The following DCLK1 variants were observed in gnomAD, a reference collection of about 807,000 sequenced individuals.
DCLK1 encodes the protein doublecortin like kinase 1, also known as serine/threonine-protein kinase DCLK1.
Under a neutral mutation model 86.2 loss-of-function variants are expected in DCLK1, and 16 were observed. The observed-to-expected ratio is 0.19, with a 90% CI of 0.13 to 0.28. The LOEUF (loss-of-function observed/expected upper bound fraction) is 0.28, where lower values mean the gene tolerates loss of function less well. DCLK1 is among the 10% of genes least tolerant of loss of function. The pLI is 1.00. For synonymous variants in DCLK1, 369 were observed against 370.5 expected (o/e 1.00, Z 0.05); for missense variants, 590 against 940.2 (o/e 0.63, Z 4.87).
At chr13:35,784,912 T>C (rs1049959261) in intron 16 of DCLK1, among the ~76,000 whole-genome samples, 1 of 152,134 alleles carries the variant, frequency 6.6e-6, no homozygotes, top group Non-Finnish European at 1.5e-5. Flanking sequence ...GGGGAACAGT[T>C]TTCTCAAACC....
intron 3 of DCLK1, among the ~76,000 whole-genome samples, chr13:35,998,757 C>T (rs1049882069): frequency 6.6e-6 from 1 of 152,016 alleles, no homozygotes; most frequent in Non-Finnish European, 1.5e-5. Context: ...AGAGCTACAC[C>T]CTAAAATATT....
chr13:35,887,749 A>C (rs1204242473), intron 4 of DCLK1, among the ~76,000 whole-genome samples: 1 of 151,992 alleles, frequency 6.6e-6, no homozygotes, highest in Non-Finnish European at 1.5e-5. Context: ...AGTTATACCA[A>C]TAAAAATAGA....
intron 4 of DCLK1, among the ~76,000 whole-genome samples, chr13:35,885,266 T>C (rs773684835): frequency 5.3e-5 from 8 of 151,742 alleles, no homozygotes; most frequent in East Asian, 3.9e-4. Context: ...ATTTCTCCAA[T>C]CAAAATCATC....
Position 35,875,097 on chromosome 13 carries a change from C to T in DCLK1, c.824-3757G>A, listed in dbSNP as rs77137378. Among the ~76,000 whole-genome samples, 43 of 152,262 alleles carry T rather than the reference C, an allele frequency of 2.8e-4. No homozygotes were observed. The East Asian group carries it at 7.9e-3, about 28-fold the overall frequency. ...TTTTCACCAGTGAGGCCTCTTTTTG[C>T]TAATTTTTATTTCATGGACCTCATG... On this transcript the variant is annotated intron_variant, in intron 4 of 16. Coordinates refer to ENST00000360631, the MANE Select transcript of DCLK1 (RefSeq NM_001330071.2).
intron 4 of DCLK1, among the ~76,000 whole-genome samples, chr13:35,905,594 G>C (rs769879550): frequency 6.6e-6 from 1 of 152,182 alleles, no homozygotes; most frequent in African/African-American, 2.4e-5. Flanking sequence ...AATCAACCCC[G>C]AGGGCCACCT....
intron 4 of DCLK1, among the ~76,000 whole-genome samples, chr13:35,878,960 A>G (rs567968538): frequency 6.6e-6 from 1 of 151,980 alleles, no homozygotes; most frequent in Non-Finnish European, 1.5e-5. Context: ...TGATTTTTGT[A>G]TTATTAGTAG....
At chr13:36,015,001 TC>T (rs1881481222) in intron 3 of DCLK1, among the ~76,000 whole-genome samples, 18 of 23,266 alleles carry the variant, frequency 7.7e-4, no homozygotes, top group South Asian at 4.2e-3. Context: ...TCTCTCTCTC[TC>T]TTTCTCTCTC....
intron 2 of DCLK1, among the ~76,000 whole-genome samples, chr13:36,125,259 T>A (rs537891252): frequency 3.2e-3 from 481 of 152,246 alleles, no homozygotes; most frequent in Non-Finnish European, 5.7e-3. Context: ...GTCATCACTA[T>A]CTTACCACGT....
chr13:35,854,425 A>C, intron 6 of DCLK1, 74 bp downstream of exon 6: 1 of 1,241,510 alleles, frequency 8.1e-7, no homozygotes, highest in Admixed American at 2.6e-5. Context: ...GAGCAGCACG[A>C]TTTGCTGGCA....
chr13:36,071,103 C>T (rs73180280), intron 3 of DCLK1, among the ~76,000 whole-genome samples: 23,359 of 151,936 alleles, frequency 0.15, 2,169 homozygotes, highest in Non-Finnish European at 0.21. Flanking sequence ...TTCTATTCTT[C>T]TGCTTGTAGC....
At chr13:35,843,193 C>A (rs1869938326) in intron 6 of DCLK1, among the ~76,000 whole-genome samples, 1 of 152,172 alleles carries the variant, frequency 6.6e-6, no homozygotes, top group African/African-American at 2.4e-5. Context: ...ATGTTTGCTT[C>A]AATTCGCTAA....
intron 4 of DCLK1, among the ~76,000 whole-genome samples, chr13:35,882,163 A>T (rs145226320): frequency 1.0e-3 from 152 of 152,234 alleles, no homozygotes; most frequent in African/African-American, 3.5e-3. Flanking sequence ...TGTCGCTTAT[A>T]GTTTCTGGTG....
chr13:36,002,509 C>T (rs1051459444), intron 3 of DCLK1, among the ~76,000 whole-genome samples: 2 of 152,122 alleles, frequency 1.3e-5, no homozygotes, highest in Non-Finnish European at 2.9e-5. Context: ...TATTGAAATG[C>T]TAATGCTACA....
At chr13:36,020,962 A>T (rs1881752220) in intron 3 of DCLK1, among the ~76,000 whole-genome samples, 2 of 152,184 alleles carry the variant, frequency 1.3e-5, no homozygotes, top group Admixed American at 6.5e-5. Context: ...AGGCAAATAT[A>T]TAAGTATGTA....
intron 6 of DCLK1, chr13:35,848,267 C>T (rs1870358706): frequency 1.0e-6 from 1 of 984,628 alleles, no homozygotes; most frequent in African/African-American, 1.7e-5. Context: ...GCCTATAAAT[C>T]ACCAATTCTG....
intron 2 of DCLK1, among the ~76,000 whole-genome samples, chr13:36,113,380 C>T (rs1885678644): frequency 6.6e-6 from 1 of 152,162 alleles, no homozygotes; most frequent in Non-Finnish European, 1.5e-5. Flanking sequence ...ACACATTATG[C>T]CTCACTAGAA....
At chr13:36,106,000 A>G (rs914871912) in intron 3 of DCLK1, among the ~76,000 whole-genome samples, 2 of 152,164 alleles carry the variant, frequency 1.3e-5, no homozygotes, top group African/African-American at 2.4e-5. Context: ...ACGTCCCCCA[A>G]ATGCTCTCAG....
At chr13:35,823,544 T>G (rs1268496629) in intron 10 of DCLK1, among the ~76,000 whole-genome samples, 1 of 152,136 alleles carries the variant, frequency 6.6e-6, no homozygotes, top group Non-Finnish European at 1.5e-5. Flanking sequence ...CAAAGAAAGT[T>G]TTCTAGGACT....
chr13:35,984,860 G>A (rs1879823506), intron 3 of DCLK1, among the ~76,000 whole-genome samples: 2 of 150,792 alleles, frequency 1.3e-5, no homozygotes, highest in South Asian at 2.1e-4. Flanking sequence ...TTCACACTCC[G>A]CACTCGACAG....
Sources: allele counts gnomAD v4.1 joint callset (sites outside exome capture counted in the v4.1 genomes callset), GRCh38; gene constraint gnomAD v4.1.1; transcripts MANE v1.5; gene names NCBI Gene and HGNC (gene_info 2026-07-23, HGNC 2026-07-21).